R3HDM1: variants seen among roughly 807,000 people sequenced by gnomAD.
R3HDM1 encodes R3H domain-containing protein 1.
In R3HDM1, 46 loss-of-function variants were observed where a neutral mutation model predicts 141.1. That is an observed-to-expected ratio of 0.33 (90% confidence interval 0.26 to 0.42). The LOEUF is 0.42. R3HDM1 is among the 10% of genes least tolerant of loss of function. The pLI, the probability that R3HDM1 is intolerant of heterozygous loss-of-function variation, is 1.00. For missense variants in R3HDM1, 1,184 were observed against 1,368.3 expected (o/e 0.87, Z 2.12); for synonymous variants, 435 against 472.9 (o/e 0.92, Z 1.04).
At chr2:135,589,917 A>G (rs1221730239) in intron 1 of R3HDM1, among the ~76,000 whole-genome samples, 1 of 152,074 alleles carries the variant, frequency 6.6e-6, no homozygotes, top group African/African-American at 2.4e-5. Flanking sequence ...ACATAGATAT[A>G]AAAAGGGGGT....
At chr2:135,663,064 G>T (rs556706371) in intron 19 of R3HDM1, among the ~76,000 whole-genome samples, 1 of 148,692 alleles carries the variant, frequency 6.7e-6, no homozygotes, top group South Asian at 2.1e-4. Context: ...CCTGTCCATG[G>T]TCAAACTGCC....
At chr2:135,675,689 C>T (rs1005964380) in intron 20 of R3HDM1, among the ~76,000 whole-genome samples, 1 of 152,064 alleles carries the variant, frequency 6.6e-6, no homozygotes, top group African/African-American at 2.4e-5. Context: ...TGGTTTTATC[C>T]TCATTTTATT....
At chr2:135,579,815 T>G (rs1706382126) in intron 1 of R3HDM1, among the ~76,000 whole-genome samples, 1 of 152,336 alleles carries the variant, frequency 6.6e-6, no homozygotes, top group South Asian at 2.1e-4. Flanking sequence ...TTAATAGTGT[T>G]ACATCAATGT....
chr2:135,687,729 C>T (rs2071601552), intron 21 of R3HDM1, among the ~76,000 whole-genome samples: 2 of 152,130 alleles, frequency 1.3e-5, no homozygotes, highest in African/African-American at 4.8e-5. Flanking sequence ...CATGAATCTA[C>T]GTCATTGTTC....
intron 21 of R3HDM1, among the ~76,000 whole-genome samples, chr2:135,694,673 C>T (rs997530408): frequency 2.0e-5 from 3 of 152,130 alleles, no homozygotes; most frequent in Admixed American, 6.5e-5. Flanking sequence ...GAGGGGGAAC[C>T]CAACCAGAGT....
At chr2:135,689,845 C>T (rs1292439451) in intron 21 of R3HDM1, among the ~76,000 whole-genome samples, 1 of 152,122 alleles carries the variant, frequency 6.6e-6, no homozygotes, top group African/African-American at 2.4e-5. Flanking sequence ...CAGCAGCCTT[C>T]AAAAGTGGGC....
chr2:135,583,238 T>C (rs1202360375), intron 1 of R3HDM1, among the ~76,000 whole-genome samples: 2 of 152,226 alleles, frequency 1.3e-5, no homozygotes, highest in Non-Finnish European at 2.9e-5. Context: ...TTTCCCATAA[T>C]ACTGATTTTT....
In R3HDM1 at chr2:135,651,823, A is replaced by G. The variant is rs2065180340; in HGVS notation, c.1819A>G (p.Thr607Ala). 1 of 1,614,018 alleles carries G rather than the reference A, an allele frequency of 6.2e-7. No individual in the cohort carries two copies. Among genetic ancestry groups the G allele is most frequent in the Non-Finnish European group, 8.5e-7 (1 of 1,180,004 alleles). Residue 607 changes from threonine (T) to alanine (A), a missense_variant, in exon 18 of 27, where the codon ACT (threonine) becomes GCT (alanine). This residue lies in a region of R3HDM1 where 563 missense variants were observed against 562.0 expected (regional missense o/e 1.00). Transcript: ENST00000683871. Reference sequence around the variant, plus strand: ...CCCTCATGCCGCCATGTTCCAGTCCACTGTGGTTCTTCAGTCTCCACAGCA... The same window carrying G: ...CCCTCATGCCGCCATGTTCCAGTCCGCTGTGGTTCTTCAGTCTCCACAGCA... ...SDPHAAMFQSTVVLQSPQQSG... is the reference protein window; with the variant it reads ...SDPHAAMFQSAVVLQSPQQSG...
At chr2:135,532,860 A>G (rs1695222407) in intron 1 of R3HDM1, among the ~76,000 whole-genome samples, 1 of 152,242 alleles carries the variant, frequency 6.6e-6, no homozygotes, top group Admixed American at 6.5e-5. Flanking sequence ...GTCTTTTCAA[A>G]TACCACTCTG....
At chr2:135,672,912 C>T (rs1355023343) in intron 19 of R3HDM1, among the ~76,000 whole-genome samples, 2 of 152,080 alleles carry the variant, frequency 1.3e-5, no homozygotes, top group Non-Finnish European at 2.9e-5. Context: ...TCAGGACCAG[C>T]CTGTCCAACA....
At chr2:135,717,343 G>A (rs980543815) in intron 24 of R3HDM1, among the ~76,000 whole-genome samples, 12 of 152,170 alleles carry the variant, frequency 7.9e-5, no homozygotes, top group Middle Eastern at 3.4e-3. Flanking sequence ...AATTAGCCGG[G>A]CACAGTGGCA....
chr2:135,594,850 T>C (rs1344771498), intron 1 of R3HDM1, among the ~76,000 whole-genome samples: 1 of 152,190 alleles, frequency 6.6e-6, no homozygotes, highest in Non-Finnish European at 1.5e-5. Flanking sequence ...ACACACTTTT[T>C]CATTCTGACA....
intron 3 of R3HDM1, chr2:135,607,718 C>A: frequency 5.5e-6 from 2 of 364,794 alleles, no homozygotes; most frequent in Non-Finnish European, 7.6e-6. Flanking sequence ...CATTTCCTAC[C>A]ATGTCTATTG....
intron 21 of R3HDM1, among the ~76,000 whole-genome samples, chr2:135,705,173 G>A (rs1417330737): frequency 6.6e-6 from 1 of 152,160 alleles, no homozygotes; most frequent in Non-Finnish European, 1.5e-5. Context: ...ACATTTTTAT[G>A]TTTGGCTGTT....
In R3HDM1 at chr2:135,598,153, G is replaced by A. The variant is rs533801706; in HGVS notation, c.-249-4347G>A. 5.4e-4 allele frequency among the ~76,000 whole-genome samples: 82 copies of A among 152,248 alleles called. 1 individual carries two copies. The highest frequency in any genetic ancestry group is 3.4e-3 in the Middle Eastern group (1 of 294). The stretch of plus-strand genomic sequence containing the variant: ...ACTTAACCATGCATATTTATCATTT[G>A]TAAGCTACTGCCTTCTCATTGTTCC... On this transcript the variant is annotated intron_variant, in intron 1 of 26. Coordinates refer to ENST00000683871, the MANE Select transcript of R3HDM1 (RefSeq NM_001378107.1).
chr2:135,638,696 T>C, intron 12 of R3HDM1, 41 bp downstream of exon 12: 1 of 1,612,054 alleles, frequency 6.2e-7, no homozygotes, highest in Admixed American at 1.7e-5. Context: ...ATTGTCTGAC[T>C]GATGCTAATA....
chr2:135,699,029 AGATAGAT>A (rs2073773188), intron 21 of R3HDM1, among the ~76,000 whole-genome samples: 4 of 117,522 alleles, frequency 3.4e-5, no homozygotes, highest in South Asian at 4.9e-4. Flanking sequence ...ATAGATAGAT[AGATAGAT>A]AGATAGATAA....
At chr2:135,558,034 G>A (rs1701105112) in intron 1 of R3HDM1, among the ~76,000 whole-genome samples, 1 of 152,182 alleles carries the variant, frequency 6.6e-6, no homozygotes, top group South Asian at 2.1e-4. Flanking sequence ...AATGATAAAT[G>A]ATAATGGGGC....
chr2:135,557,192 A>C (rs143043757), intron 1 of R3HDM1, among the ~76,000 whole-genome samples: 2 of 152,166 alleles, frequency 1.3e-5, no homozygotes, highest in African/African-American at 4.8e-5. Flanking sequence ...CTACGGTGGT[A>C]ATTAGCAATT....
Sources: allele counts gnomAD v4.1 joint callset (sites outside exome capture counted in the v4.1 genomes callset), GRCh38; gene constraint gnomAD v4.1.1; regional missense constraint gnomAD v4.1.1; transcripts MANE v1.5; gene names NCBI Gene and HGNC (gene_info 2026-07-23, HGNC 2026-07-21).